KIZ: variants seen among roughly 807,000 people sequenced by gnomAD.
The protein encoded by KIZ is kizuna centrosomal protein, also known as centrosomal protein kizuna.
In KIZ, 68 loss-of-function variants were observed where a neutral mutation model predicts 79.6. The observed-to-expected ratio is 0.85, with a 90% CI of 0.70 to 1.05. The LOEUF is 1.05. Ranked by LOEUF, KIZ falls within the 50% of genes least tolerant of loss-of-function variation. KIZ has a pLI of 0.00. For missense variants in KIZ, 797 were observed against 800.4 expected (o/e 1.00, Z 0.05); for synonymous variants, 280 against 281.8 (o/e 0.99, Z 0.06).
chr20:21,138,467 C>G (rs6047268), intron 3 of KIZ, among the ~76,000 whole-genome samples: 85,707 of 152,044 alleles, frequency 0.56, 26,145 homozygotes, highest in South Asian at 0.77. Flanking sequence ...TCATATATGG[C>G]TGTTGAGCAC....
intron 3 of KIZ, among the ~76,000 whole-genome samples, chr20:21,139,541 G>A (rs1021650980): frequency 2.6e-5 from 4 of 151,978 alleles, no homozygotes; most frequent in Non-Finnish European, 5.9e-5. Flanking sequence ...GGCAAAGGAG[G>A]GAATTTTGTC....
chr20:21,159,007 CTAT>C (rs2033525781), intron 4 of KIZ, among the ~76,000 whole-genome samples: 1 of 118,278 alleles, frequency 8.5e-6, no homozygotes, highest in Non-Finnish European at 1.9e-5. Context: ...TTTATTATTA[CTAT>C]TATTATTATT....
chr20:21,194,590 C>T (rs1484948586), intron 6 of KIZ: 1 of 152,176 alleles, frequency 6.6e-6, no homozygotes. Context: ...CGAGAAAGTT[C>T]TGAGTTAGAG....
At chr20:21,153,506 G>C (rs2033222474) in intron 4 of KIZ, among the ~76,000 whole-genome samples, 1 of 152,100 alleles carries the variant, frequency 6.6e-6, no homozygotes, top group Non-Finnish European at 1.5e-5. Flanking sequence ...TCTCTCGATG[G>C]TCTAAGTTGT....
chr20:21,126,518 T>A (rs1424634750), intron 1 of KIZ, among the ~76,000 whole-genome samples: 1 of 152,154 alleles, frequency 6.6e-6, no homozygotes, highest in East Asian at 1.9e-4. Context: ...CTTCTGCCTG[T>A]CACTCTCCAT....
At chr20:21,173,593 A>AAG (rs1555879514) in intron 6 of KIZ, among the ~76,000 whole-genome samples, 13 of 144,112 alleles carry the variant, frequency 9.0e-5, no homozygotes, top group African/African-American at 3.3e-4. Context: ...AAAAAAAAAA[A>AAG]AAAGAAAGAA....
intron 11 of KIZ, among the ~76,000 whole-genome samples, chr20:21,240,441 C>G (rs755567463): frequency 7.9e-5 from 12 of 152,190 alleles, no homozygotes; most frequent in Non-Finnish European, 1.6e-4. Context: ...ATGAGACCGG[C>G]GGAACATGGT....
intron 6 of KIZ, among the ~76,000 whole-genome samples, chr20:21,203,563 C>A (rs1357578525): frequency 2.6e-5 from 4 of 152,290 alleles, no homozygotes; most frequent in Admixed American, 2.6e-4. Context: ...CTAGATACAT[C>A]ATTAATTTGG....
At chr20:21,165,638 C>G (rs1199504988) in intron 6 of KIZ, among the ~76,000 whole-genome samples, 1 of 151,754 alleles carries the variant, frequency 6.6e-6, no homozygotes, top group Non-Finnish European at 1.5e-5. Context: ...TTCCCGCTCC[C>G]TGTTGTCCAT....
intron 11 of KIZ, among the ~76,000 whole-genome samples, chr20:21,241,838 C>T (rs1221007574): frequency 6.6e-6 from 1 of 152,154 alleles, no homozygotes; most frequent in Non-Finnish European, 1.5e-5. Flanking sequence ...GTGTTTACAG[C>T]CTTGTGCATG....
At chr20:21,145,843 G>A (rs944546768) in intron 4 of KIZ, among the ~76,000 whole-genome samples, 189 bp downstream of exon 4, 1 of 152,142 alleles carries the variant, frequency 6.6e-6, no homozygotes, top group African/African-American at 2.4e-5. Flanking sequence ...TGCTGAAAGG[G>A]TGTTACTTTG....
intron 4 of KIZ, among the ~76,000 whole-genome samples, chr20:21,147,510 A>G (rs922980461): frequency 6.6e-6 from 1 of 152,294 alleles, no homozygotes; most frequent in Middle Eastern, 3.4e-3. Context: ...TGGAAATCCA[A>G]GCTTCTCTTC....
chr20:21,225,998 T>C (rs1267717905), intron 9 of KIZ: 1 of 152,264 alleles, frequency 6.6e-6, no homozygotes, highest in African/African-American at 2.4e-5. Context: ...CTTGTATTCT[T>C]TGGCTGCAGT....
chr20:21,184,541 T>C (rs758121970), intron 6 of KIZ, among the ~76,000 whole-genome samples: 2 of 152,228 alleles, frequency 1.3e-5, no homozygotes, highest in Admixed American at 1.3e-4. Context: ...CTTTAACTTA[T>C]AGTTCTCACC....
chr20:21,160,564 G>A (rs1345402891), intron 4 of KIZ, among the ~76,000 whole-genome samples: 8 of 152,024 alleles, frequency 5.3e-5, no homozygotes, highest in Admixed American at 5.2e-4. Flanking sequence ...AAGTGATAAT[G>A]TCTTTATTTC....
intron 6 of KIZ, among the ~76,000 whole-genome samples, chr20:21,180,514 C>G (rs1479147876): frequency 2.6e-5 from 4 of 152,048 alleles, no homozygotes; most frequent in Non-Finnish European, 5.9e-5. Context: ...GGGAAGGGAA[C>G]CAGCAGTCAA....
intron 6 of KIZ, among the ~76,000 whole-genome samples, chr20:21,181,452 A>G (rs1004562534): frequency 3.3e-5 from 5 of 151,562 alleles, no homozygotes; most frequent in African/African-American, 9.7e-5. Flanking sequence ...CTGAAAAGCC[A>G]TCTATCCAAG....
At chr20:21,170,093 A>G (rs1360430666) in intron 6 of KIZ, among the ~76,000 whole-genome samples, 1 of 152,190 alleles carries the variant, frequency 6.6e-6, no homozygotes, top group Non-Finnish European at 1.5e-5. Flanking sequence ...AAGGAGTGTC[A>G]TTGATGGATC....
intron 9 of KIZ, among the ~76,000 whole-genome samples, chr20:21,226,584 G>A (rs1345139402): frequency 7.2e-5 from 11 of 152,178 alleles, no homozygotes; most frequent in African/African-American, 1.7e-4. Flanking sequence ...ACAGTTGGGC[G>A]GCAGCAGTGC....
Sources: allele counts gnomAD v4.1 joint callset (sites outside exome capture counted in the v4.1 genomes callset), GRCh38; gene constraint gnomAD v4.1.1; transcripts MANE v1.5; gene names NCBI Gene and HGNC (gene_info 2026-07-23, HGNC 2026-07-21).